FEM1C: variants seen among roughly 807,000 people sequenced by gnomAD.
FEM1C encodes the protein fem-1 homolog C, also known as protein fem-1 homolog C.
In FEM1C, 15 loss-of-function variants were observed where a neutral mutation model predicts 37.6. The observed-to-expected ratio is 0.40, with a 90% CI of 0.27 to 0.61. The LOEUF is 0.61. Ranked by LOEUF, FEM1C falls within the 20% of genes least tolerant of loss-of-function variation. The probability of loss-of-function intolerance (pLI) is 0.42; values close to 1 mark genes in which losing one functional copy is unlikely to be tolerated. For missense variants in FEM1C, 532 were observed against 749.7 expected, an observed-to-expected ratio of 0.71 and a Z score of 3.39; for synonymous variants, 287 against 272.8, an observed-to-expected ratio of 1.05 and a Z score of -0.51.
chr5:115,539,408 G>C (rs1459987894), intron 2 of FEM1C, among the ~76,000 whole-genome samples: 1 of 152,070 alleles, frequency 6.6e-6, no homozygotes, highest in Non-Finnish European at 1.5e-5. Flanking sequence ...TGAGATCACT[G>C]TGATAGCTCT....
At chr5:115,538,343 C>T (rs1754169722) in intron 2 of FEM1C, among the ~76,000 whole-genome samples, 1 of 151,998 alleles carries the variant, frequency 6.6e-6, no homozygotes, top group Non-Finnish European at 1.5e-5. Context: ...TTTTGTCCAA[C>T]TACTGTCTTA....
chr5:115,525,099 T>C lies in FEM1C; in HGVS notation c.1063A>G (p.Lys355Glu), dbSNP rs951024285. Residue 355 changes from lysine (K) to glutamate (E), a missense_variant, in exon 3 of 3, where the codon AAA (lysine) becomes GAA (glutamate). Transcript: ENST00000274457. ...TACTTCCATAGGTTGATGCATCGTT[T>C]GAAATTTCCAGAGTCTGCATAGACA... ...GAVYADSGNF[K>E]RCINLWKYAL... The C allele has an allele frequency of 5.8e-5, 93 of 1,613,732 alleles. No homozygotes were observed. The highest frequency in any genetic ancestry group is 7.5e-5 in the Non-Finnish European group (88 of 1,179,856).
At chr5:115,535,855 A>G (rs1355718462) in intron 2 of FEM1C, among the ~76,000 whole-genome samples, 12 of 152,126 alleles carry the variant, frequency 7.9e-5, no homozygotes, top group Admixed American at 2.6e-4. Flanking sequence ...TAAAAGTGAT[A>G]TATCTATTTC....
At chr5:115,534,461 C>T (rs549157590) in intron 2 of FEM1C, among the ~76,000 whole-genome samples, 3 of 151,954 alleles carry the variant, frequency 2.0e-5, no homozygotes, top group South Asian at 2.1e-4. Flanking sequence ...CCAAACCAAA[C>T]GTTTTGAGTT....
At chr5:115,528,159 C>A (rs2045417324) in intron 2 of FEM1C, among the ~76,000 whole-genome samples, 1 of 151,974 alleles carries the variant, frequency 6.6e-6, no homozygotes, top group Admixed American at 6.6e-5. Flanking sequence ...ACTTTCACAT[C>A]CAGTAATGGC....
chr5:115,537,829 T>A (rs1754159466), intron 2 of FEM1C, among the ~76,000 whole-genome samples: 1 of 152,036 alleles, frequency 6.6e-6, no homozygotes, highest in Non-Finnish European at 1.5e-5. Flanking sequence ...GAACTTCAGC[T>A]TTCAACACTC....
intron 2 of FEM1C, among the ~76,000 whole-genome samples, chr5:115,534,432 G>C (rs190149468): frequency 8.6e-5 from 13 of 151,986 alleles, no homozygotes; most frequent in Non-Finnish European, 1.5e-4. Flanking sequence ...CTAGTTAGAG[G>C]CCTAAGAATT....
rs181945699 is a variant in FEM1C at position 115,533,697 on chromosome 5, C to T, written c.545-8080G>A. On this transcript the variant is annotated intron_variant, in intron 2 of 2. Transcript: ENST00000274457. The stretch of plus-strand genomic sequence containing the variant: ...AAGATTTTCCATCTCCACATCATGT[C>T]TTCTTTTCGCATTCTCAGAATGAGA... Among the ~76,000 whole-genome samples the T allele has an allele frequency of 1.1e-4, 17 of 151,946 alleles. No homozygotes were observed. The East Asian group carries it at 2.9e-3, about 26-fold the overall frequency.
intron 2 of FEM1C, among the ~76,000 whole-genome samples, chr5:115,531,380 T>C (rs1022649286): frequency 6.6e-6 from 1 of 152,132 alleles, no homozygotes; most frequent in African/African-American, 2.4e-5. Flanking sequence ...GAGAGAGCAA[T>C]GAGGAAGAAA....
intron 2 of FEM1C, among the ~76,000 whole-genome samples, chr5:115,542,368 A>G (rs256958): frequency 0.13 from 19,872 of 152,140 alleles, 1,471 homozygotes; most frequent in African/African-American, 0.18. Flanking sequence ...TATTTAATGC[A>G]TGTTCTTATA....
intron 2 of FEM1C, among the ~76,000 whole-genome samples, chr5:115,535,882 G>A (rs1048867876): frequency 4.7e-5 from 7 of 149,234 alleles, no homozygotes; most frequent in Non-Finnish European, 1.0e-4. Flanking sequence ...ATATTATTCT[G>A]CAATAAAAAG....
rs957592860 is a variant in FEM1C, at chr5:115,526,146, C to G, written c.545-529G>C. On this transcript the variant is annotated intron_variant, in intron 2 of 2. Coordinates refer to ENST00000274457, the MANE Select transcript of FEM1C (RefSeq NM_020177.3). ...AAAGTGCTGGGATTGCAGGTGTGAG[C>G]CACAATGCCTGGCCAGACTGCTCTT... is the stretch of plus-strand genomic sequence containing the variant. 1.2e-4 allele frequency among the ~76,000 whole-genome samples: 19 copies of G among 152,054 alleles called. 1 individual carries two copies. The highest frequency in any genetic ancestry group is 1.0e-3 in the Admixed American group (16 of 15,258).
At chr5:115,536,701 A>T (rs1344396378) in intron 2 of FEM1C, among the ~76,000 whole-genome samples, 3 of 151,858 alleles carry the variant, frequency 2.0e-5, no homozygotes, top group Non-Finnish European at 2.9e-5. Flanking sequence ...AAAGGAAATT[A>T]AAAAAAAGAA....
At chr5:115,535,610 G>T (rs1754109491) in intron 2 of FEM1C, among the ~76,000 whole-genome samples, 1 of 151,916 alleles carries the variant, frequency 6.6e-6, no homozygotes, top group South Asian at 2.1e-4. Context: ...AACAAGTGTT[G>T]GAGAGGGTGT....
chr5:115,526,059 C>T (rs900662373), intron 2 of FEM1C, among the ~76,000 whole-genome samples: 4 of 151,304 alleles, frequency 2.6e-5, no homozygotes, highest in African/African-American at 9.7e-5. Flanking sequence ...CCAGGTCTTG[C>T]TATGTTGCCC....
intron 2 of FEM1C, among the ~76,000 whole-genome samples, chr5:115,527,491 C>A (rs1356600170): frequency 6.6e-6 from 1 of 151,934 alleles, no homozygotes; most frequent in Non-Finnish European, 1.5e-5. Context: ...CTGAAAGAGC[C>A]CAGAACTTCT....
In FEM1C at chr5:115,525,024, C is replaced by T. The variant is rs748705585; in HGVS notation, c.1138G>A (p.Ala380Thr). The T allele has an allele frequency of 8.1e-6, 13 of 1,613,460 alleles. 1 individual carries two copies. In the Admixed American group the frequency reaches 1.0e-4, roughly 12 times the overall value. The change falls in exon 3 of 3, where the codon GCC becomes ACC. Residue 380 changes from alanine (A) to threonine (T), a missense_variant. Transcript: ENST00000274457. ...SNLDPLSPMT[A>T]SSLLSFAELF... The stretch of plus-strand genomic sequence containing the variant: ...TCTGCAAAAGATAATAAGCTGCTGG[C>T]GGTCATTGGGCTTAAAGGATCCAAA...
At chr5:115,544,078 G>A (rs960845746) in intron 1 of FEM1C, 35 of 985,430 alleles carry the variant, frequency 3.6e-5, no homozygotes, top group Non-Finnish European at 4.1e-5. Flanking sequence ...CTGGCCAAGG[G>A]CGCCAGGCTG....
At position 115,543,621 on chromosome 5, in the gene FEM1C, C is replaced by G; in HGVS notation, c.-128G>C. ...TAATTGCTGCACCCCAGAACGGATA[C>G]ACAACCACGAAGAGTATGTTCCGTC... On this transcript the variant is annotated 5_prime_UTR_variant, in exon 2 of 3. Transcript: ENST00000274457. 6.9e-7 allele frequency: 1 copy of G among 1,451,532 alleles called. No individual in the cohort carries two copies. The highest frequency in any genetic ancestry group is 9.0e-7 in the Non-Finnish European group (1 of 1,108,710). 89.9% of individuals were successfully genotyped at this position (1,451,532 alleles called of 1,614,324 possible). A position where few individuals can be genotyped will look rare whatever the true frequency, so the allele number is the denominator to read the frequency against.
Sources: gnomAD v4.1 joint callset for allele counts (sites outside exome capture counted in the v4.1 genomes callset) on GRCh38, gnomAD v4.1.1 for gene constraint, MANE v1.5 for transcripts, NCBI Gene and HGNC (gene_info 2026-07-23, HGNC 2026-07-21) for gene names.